The following DNAJC1 variants were observed in gnomAD, a reference collection of about 807,000 sequenced individuals.
DNAJC1 encodes the protein DnaJ heat shock protein family (Hsp40) member C1.
DNAJC1 carries 58 observed loss-of-function variants against 76.6 expected under a neutral mutation model. That is an observed-to-expected ratio of 0.76 (90% CI 0.61 to 0.94). The LOEUF (loss-of-function observed/expected upper bound fraction) is 0.94, where lower values mean the gene tolerates loss of function less well. DNAJC1 is among the 40% of genes least tolerant of loss of function. DNAJC1 has a pLI of 0.00. For missense variants in DNAJC1, 689 were observed against 677.3 expected, an observed-to-expected ratio of 1.02 and a Z score of -0.19; for synonymous variants, 258 against 267.9, an observed-to-expected ratio of 0.96 and a Z score of 0.36.
At chr10:21,978,359 T>C (rs1353942398) in intron 1 of DNAJC1, among the ~76,000 whole-genome samples, 4 of 152,130 alleles carry the variant, frequency 2.6e-5, no homozygotes, top group Non-Finnish European at 5.9e-5. Context: ...TGATAAAGTA[T>C]AGAATTTGAA....
At chr10:21,962,459 C>CTTTTTT (rs34817098) in intron 1 of DNAJC1, among the ~76,000 whole-genome samples, 13 of 39,906 alleles carry the variant, frequency 3.3e-4, no homozygotes, top group African/African-American at 5.1e-4. Context: ...TATTTTATTG[C>CTTTTTT]TTTTTTTTTT....
intron 1 of DNAJC1, among the ~76,000 whole-genome samples, chr10:21,988,703 G>A (rs1838284735): frequency 6.6e-6 from 1 of 152,102 alleles, no homozygotes; most frequent in Non-Finnish European, 1.5e-5. Context: ...AATCTCTGAA[G>A]ACTGATTATA....
chr10:21,938,271 G>A (rs918338429), intron 1 of DNAJC1, among the ~76,000 whole-genome samples: 2 of 150,946 alleles, frequency 1.3e-5, no homozygotes, highest in South Asian at 2.1e-4. Flanking sequence ...GAATGAAAAC[G>A]AAAACATACC....
At chr10:21,827,218 T>C (rs1217759901) in intron 8 of DNAJC1, among the ~76,000 whole-genome samples, 1 of 152,216 alleles carries the variant, frequency 6.6e-6, no homozygotes, top group Admixed American at 6.5e-5. Context: ...ACTTGCTTAC[T>C]GGAGGTCAGT....
intron 9 of DNAJC1, among the ~76,000 whole-genome samples, chr10:21,803,356 T>C (rs528979029): frequency 6.6e-6 from 1 of 152,106 alleles, no homozygotes; most frequent in African/African-American, 2.4e-5. Context: ...TGACACTCAA[T>C]TGAACCTGGC....
At chr10:21,890,705 G>A (rs1271932532) in intron 7 of DNAJC1, among the ~76,000 whole-genome samples, 1 of 152,140 alleles carries the variant, frequency 6.6e-6, no homozygotes, top group East Asian at 1.9e-4. Context: ...GTAACAGGCA[G>A]CACTACCCCT....
At chr10:21,796,817 T>C (rs938419467) in intron 9 of DNAJC1, among the ~76,000 whole-genome samples, 2 of 152,224 alleles carry the variant, frequency 1.3e-5, no homozygotes, top group African/African-American at 2.4e-5. Context: ...TCTTGAGTTG[T>C]AGGAGTTCCT....
chr10:21,854,232 T>G (rs1835797050), intron 8 of DNAJC1, among the ~76,000 whole-genome samples: 1 of 151,826 alleles, frequency 6.6e-6, no homozygotes, highest in Non-Finnish European at 1.5e-5. Context: ...GTTATTTATA[T>G]TAATAAGGCT....
At chr10:21,955,382 TG>T (rs1837661002) in intron 1 of DNAJC1, among the ~76,000 whole-genome samples, 1 of 152,180 alleles carries the variant, frequency 6.6e-6, no homozygotes, top group East Asian at 1.9e-4. Flanking sequence ...TAAGCAAACT[TG>T]GAAATAATGG....
chr10:21,981,136 C>T (rs1838149817), intron 1 of DNAJC1, among the ~76,000 whole-genome samples: 2 of 152,126 alleles, frequency 1.3e-5, no homozygotes, highest in South Asian at 2.1e-4. Flanking sequence ...ACAACTAAAA[C>T]CTGAGTGTTC....
At chr10:21,810,398 G>A (rs1834945582) in intron 8 of DNAJC1, among the ~76,000 whole-genome samples, 1 of 152,064 alleles carries the variant, frequency 6.6e-6, no homozygotes, top group South Asian at 2.1e-4. Context: ...TATAATCTTA[G>A]GGGAGTTATT....
chr10:21,923,474 A>G (rs1837071269), intron 3 of DNAJC1, among the ~76,000 whole-genome samples: 1 of 151,982 alleles, frequency 6.6e-6, no homozygotes, highest in Non-Finnish European at 1.5e-5. Flanking sequence ...TTAAACATAT[A>G]ACACTGTTAA....
intron 8 of DNAJC1, among the ~76,000 whole-genome samples, chr10:21,818,793 T>C (rs1181942075): frequency 1.3e-5 from 2 of 152,346 alleles, no homozygotes; most frequent in African/African-American, 2.4e-5. Flanking sequence ...ATGATTTATT[T>C]TGAAAATGAG....
chr10:21,984,715 T>C (rs185404195), intron 1 of DNAJC1, among the ~76,000 whole-genome samples: 244 of 152,346 alleles, frequency 1.6e-3, no homozygotes, highest in African/African-American at 5.3e-3. Flanking sequence ...GGAACTTTTC[T>C]AGAAAGTATA....
At chr10:21,994,811 C>G (rs1043826856) in intron 1 of DNAJC1, among the ~76,000 whole-genome samples, 1 of 151,606 alleles carries the variant, frequency 6.6e-6, no homozygotes, top group South Asian at 2.1e-4. Flanking sequence ...AACAAAAAAA[C>G]ACACAAGAAG....
At position 21,756,592 on chromosome 10, in the gene DNAJC1, CGTAGAAATATTGAG is replaced by C; in HGVS notation, c.*81_*94del. On this transcript the variant is annotated 3_prime_UTR_variant, in exon 12 of 12. Coordinates refer to ENST00000376980, the MANE Select transcript of DNAJC1 (RefSeq NM_022365.4). ...TATTTTTTTTTACTAAGGCACATGA[CGTAGAAATATTGAG>C]GTACAAAATGCAAATTTCTGCATAA... 15 of 823,498 alleles carry C rather than the reference CGTAGAAATATTGAG, an allele frequency of 1.8e-5. No individual in the cohort carries two copies. Among genetic ancestry groups the C allele is most frequent in the Non-Finnish European group, 3.1e-5 (15 of 483,126 alleles). 51.0% of individuals were successfully genotyped at this position (823,498 alleles called of 1,614,324 possible). A position where few individuals can be genotyped will look rare whatever the true frequency, so the allele number is the denominator to read the frequency against.
intron 8 of DNAJC1, among the ~76,000 whole-genome samples, chr10:21,835,065 G>T (rs1835426858): frequency 6.6e-6 from 1 of 152,270 alleles, no homozygotes; most frequent in East Asian, 1.9e-4. Flanking sequence ...AGCCTGTCTG[G>T]GAGGCACCCC....
chr10:21,887,502 A>G (rs1086897), intron 7 of DNAJC1, among the ~76,000 whole-genome samples: 100,374 of 152,026 alleles, frequency 0.66, 33,594 homozygotes, highest in East Asian at 0.96. Flanking sequence ...ACAGGGCTAC[A>G]TAACCAAAAC....
intron 8 of DNAJC1, among the ~76,000 whole-genome samples, chr10:21,880,097 C>T (rs952114349): frequency 6.6e-6 from 1 of 152,232 alleles, no homozygotes; most frequent in African/African-American, 2.4e-5. Flanking sequence ...TCAAGAACCA[C>T]TTTCTTTGTT....
Sources: allele counts gnomAD v4.1 joint callset (sites outside exome capture counted in the v4.1 genomes callset), GRCh38; gene constraint gnomAD v4.1.1; transcripts MANE v1.5; gene names NCBI Gene and HGNC (gene_info 2026-07-23, HGNC 2026-07-21).